The following KDM3B variants were observed in gnomAD, a reference collection of about 807,000 sequenced individuals.
KDM3B encodes lysine demethylase 3B.
KDM3B carries 10 observed loss-of-function variants against 170.0 expected under a neutral mutation model. That is an observed-to-expected ratio of 0.06 (90% CI 0.04 to 0.10). The LOEUF is 0.10. Ranked by LOEUF, KDM3B falls within the 10% of genes least tolerant of loss-of-function variation. The pLI is 1.00. For synonymous variants in KDM3B, 831 were observed against 834.8 expected (o/e 1.00, Z 0.08); for missense variants, 1,394 against 2,195.2 (o/e 0.64, Z 7.29).
chr5:138,391,623 C>T lies in KDM3B; in HGVS notation c.1991C>T (p.Thr664Ile), dbSNP rs1457414355. 1 of 1,614,184 alleles carries T rather than the reference C, an allele frequency of 6.2e-7. No individual in the cohort carries two copies. Among genetic ancestry groups the T allele is most frequent in the Non-Finnish European group, 8.5e-7 (1 of 1,180,036 alleles). The change falls in exon 8 of 24, where the codon ACC (threonine) becomes ATC (isoleucine). Residue 664 changes from threonine to isoleucine, a missense_variant. Coordinates refer to ENST00000314358, the MANE Select transcript of KDM3B (RefSeq NM_016604.4). This position sits in a 1 kb window ranked among gnomAD's most constrained non-coding sequence, Gnocchi z 5.0. ...SQASGSSSSA[T>I]TVTSKVAPSW... ...GCATCAGGTAGCTCCTCTTCTGCTA[C>T]CACTGTCACCTCCAAGGTGGCACCC...
chr5:138,352,710 G>C lies in KDM3B; in HGVS notation c.-86G>C. On this transcript the variant is annotated 5_prime_UTR_variant, in exon 1 of 24. Coordinates refer to ENST00000314358, the MANE Select transcript of KDM3B (RefSeq NM_016604.4). Reference sequence around the variant, plus strand: ...GAACGGCGGCCGCGGGTGGTGCGGAGGGAGGCCTTGCGGGCGGATCGGGCG... The same window carrying C: ...GAACGGCGGCCGCGGGTGGTGCGGACGGAGGCCTTGCGGGCGGATCGGGCG... 9.3e-7 allele frequency: 1 copy of C among 1,072,182 alleles called. No individual in the cohort carries two copies. The highest frequency in any genetic ancestry group is 4.7e-5 in the Admixed American group (1 of 21,270). 66.4% of individuals were successfully genotyped at this position (1,072,182 alleles called of 1,614,324 possible).
At chr5:138,389,310 C>G (rs74803907) in intron 7 of KDM3B, among the ~76,000 whole-genome samples, 4 of 152,198 alleles carry the variant, frequency 2.6e-5, no homozygotes, top group Admixed American at 1.3e-4. Context: ...CTGCTTGATT[C>G]GTACGTCTCT....
At chr5:138,399,462 C>T (rs181548206) in intron 10 of KDM3B, among the ~76,000 whole-genome samples, 5 of 151,758 alleles carry the variant, frequency 3.3e-5, no homozygotes, top group African/African-American at 7.2e-5. Flanking sequence ...GGTATGAACC[C>T]GGGAGGCGGA....
Position 138,359,836 on chromosome 5 carries a change from T to TA in KDM3B, c.192+6850dup, listed in dbSNP as rs1045323525. Among the ~76,000 whole-genome samples the TA allele has an allele frequency of 3.1e-4, 47 of 152,292 alleles. 1 individual carries two copies. The highest frequency in any genetic ancestry group is 1.8e-3 in the Admixed American group (28 of 15,296). Reference sequence around the variant, plus strand: ...AAAGCATATCCGCCCTATTTTTTTTTATCCCTTAATCTTTCATCTCTCTTT... The same window carrying TA: ...AAAGCATATCCGCCCTATTTTTTTTTAATCCCTTAATCTTTCATCTCTCTTT... On this transcript the variant is annotated intron_variant, in intron 1 of 23. Transcript: ENST00000314358.
Position 138,386,436 on chromosome 5 carries a change from G to C in KDM3B, c.1195G>C (p.Gly399Arg). Residue 399 changes from glycine to arginine, a missense_variant, in exon 7 of 24, where the codon GGT becomes CGT. By Grantham distance (125) the Gly-to-Arg change is moderately radical. Transcript: ENST00000314358. ...TCAGACACCTTTGGCCCCAGAGGTG[G>C]GTGGAGCCGAAAACAAAGAGGCAGG... ...TGQTPLAPEVGGAENKEAGKT... is the reference protein window; with the variant it reads ...TGQTPLAPEVRGAENKEAGKT... The C allele has an allele frequency of 6.2e-7, 1 of 1,614,136 alleles. No homozygotes were observed. Among genetic ancestry groups the C allele is most frequent in the South Asian group, 1.1e-5 (1 of 91,076 alleles).
intron 11 of KDM3B, among the ~76,000 whole-genome samples, chr5:138,405,523 C>T (rs982579725): frequency 4.6e-5 from 7 of 151,146 alleles, no homozygotes; most frequent in South Asian, 2.1e-4. Context: ...AAAAAAAAAA[C>T]GAGTGACCAT....
intron 11 of KDM3B, among the ~76,000 whole-genome samples, chr5:138,414,840 C>G (rs1331575163): frequency 1.3e-5 from 2 of 152,116 alleles, no homozygotes; most frequent in Non-Finnish European, 1.5e-5. Context: ...TCCTGTAGTT[C>G]CAGCTACTTT....
chr5:138,369,599 T>G (rs1363441798), intron 1 of KDM3B, among the ~76,000 whole-genome samples: 1 of 152,228 alleles, frequency 6.6e-6, no homozygotes, highest in African/African-American at 2.4e-5. Flanking sequence ...TCCTAGCGTT[T>G]TTAGCCTCAT....
intron 6 of KDM3B, 35 bp downstream of exon 6, chr5:138,381,625 T>A (rs745693441): frequency 1.5e-6 from 2 of 1,307,010 alleles, no homozygotes; most frequent in Non-Finnish European, 2.2e-6. Context: ...AGCAGACTCA[T>A]GAGCTTGCAT....
At chr5:138,430,058 G>T in intron 21 of KDM3B, 93 bp downstream of exon 21, 1 of 1,515,946 alleles carries the variant, frequency 6.6e-7, no homozygotes, top group South Asian at 1.2e-5. Context: ...AGAGTCCCTT[G>T]GCATTAAAGA....
At position 138,386,605 on chromosome 5, in the gene KDM3B, C is replaced by A; in HGVS notation, c.1364C>A (p.Ser455Ter). ...CCAGAAAAACAGAAAGGCAGCCGGT[C>A]GCAGGCCTCGGGAGAGGTGAGTTAC... ...TVPEKQKGSR[S>*]QASGENSRNS... Residue 455 changes from serine (S) to a stop codon, truncating the protein, a stop_gained, in exon 7 of 24, where the codon TCG (serine) becomes TAG (stop). Coordinates refer to ENST00000314358, the MANE Select transcript of KDM3B (RefSeq NM_016604.4). LOFTEE classifies it high-confidence loss of function. 1 of 1,612,288 alleles carries A rather than the reference C, an allele frequency of 6.2e-7. No homozygotes were observed. The highest frequency in any genetic ancestry group is 1.1e-5 in the South Asian group (1 of 90,966).
chr5:138,425,694 A>G, intron 17 of KDM3B, 112 bp downstream of exon 17: 1 of 974,308 alleles, frequency 1.0e-6, no homozygotes. Context: ...TGGGACTTGA[A>G]AAAATAAATG....
chr5:138,380,686 T>C (rs930458504), intron 5 of KDM3B, among the ~76,000 whole-genome samples: 7 of 152,174 alleles, frequency 4.6e-5, no homozygotes, highest in African/African-American at 1.7e-4. Context: ...ATATGCACAA[T>C]AAATTTGAAA....
intron 13 of KDM3B, among the ~76,000 whole-genome samples, chr5:138,418,359 C>A (rs1763162188): frequency 6.6e-6 from 1 of 152,136 alleles, no homozygotes. Flanking sequence ...AGATTAGAGG[C>A]ATGAGCCACC....
In KDM3B at chr5:138,418,996, C is replaced by G. The variant is rs1227174673; in HGVS notation, c.3479C>G (p.Thr1160Ser). Residue 1160 changes from threonine to serine, a missense_variant, in exon 14 of 24, where the codon ACC (threonine) becomes AGC (serine). By Grantham distance (58) the Thr-to-Ser change is moderately conservative. Transcript: ENST00000314358. Reference sequence around the variant, plus strand: ...AGTGCCTCTTCTGGAAACGAAACTACCTTCTCTGGTGGAGGAGGACCGGCA... The same window carrying G: ...AGTGCCTCTTCTGGAAACGAAACTAGCTTCTCTGGTGGAGGAGGACCGGCA... ...NPSASSGNET[T>S]FSGGGGPAPV... 6.2e-7 allele frequency: 1 copy of G among 1,614,208 alleles called. No individual in the cohort carries two copies. The highest frequency in any genetic ancestry group is 8.5e-7 in the Non-Finnish European group (1 of 1,180,044).
chr5:138,370,907 C>G (rs1325900325), intron 1 of KDM3B, among the ~76,000 whole-genome samples: 2 of 151,918 alleles, frequency 1.3e-5, no homozygotes, highest in African/African-American at 4.8e-5. Flanking sequence ...CTCCTGGGTT[C>G]AAGTGATTCA....
chr5:138,386,276 A>G lies in KDM3B; in HGVS notation c.1035A>G (p.Thr345=). ...AGAGAGCCAAGCAGCCACCGTCTAC[A>G]TTTGTCCCCCAGATAAACCGCAACA... ...LDQRAKQPPS[T]FVPQINRNIR... The change falls in exon 7 of 24, where the codon ACA becomes ACG. Residue 345 remains threonine, a synonymous_variant. Transcript: ENST00000314358. 1.2e-6 allele frequency: 2 copies of G among 1,614,202 alleles called. No homozygotes were observed. Among genetic ancestry groups the G allele is most frequent in the Admixed American group, 1.7e-5 (1 of 60,018 alleles).
At chr5:138,390,517 C>T (rs1480498038) in intron 7 of KDM3B, among the ~76,000 whole-genome samples, 2 of 152,120 alleles carry the variant, frequency 1.3e-5, no homozygotes, top group Non-Finnish European at 2.9e-5. Flanking sequence ...GTAGGCTTGT[C>T]CTAGGATTAA....
At chr5:138,381,746 A>C in intron 6 of KDM3B, 156 bp downstream of exon 6, 1 of 553,240 alleles carries the variant, frequency 1.8e-6, no homozygotes, top group East Asian at 2.8e-5. Context: ...CTGTCTAATT[A>C]AGGGGGGATA....
Sources: allele counts gnomAD v4.1 joint callset (sites outside exome capture counted in the v4.1 genomes callset), GRCh38; gene constraint gnomAD v4.1.1; non-coding constraint Gnocchi (gnomAD v3.1); transcripts MANE v1.5; gene names NCBI Gene and HGNC (gene_info 2026-07-23, HGNC 2026-07-21).